The following GPAT4 variants were observed in gnomAD, a reference collection of about 807,000 sequenced individuals.
GPAT4 encodes 1-AGP acyltransferase 6.
In GPAT4, 17 loss-of-function variants were observed where a neutral mutation model predicts 58.0. The observed-to-expected ratio is 0.29, with a 90% confidence interval of 0.20 to 0.44. The LOEUF is 0.44. Ranked by LOEUF, GPAT4 falls within the 20% of genes least tolerant of loss-of-function variation. The pLI is 1.00. For synonymous variants in GPAT4, 204 were observed against 210.1 expected, an observed-to-expected ratio of 0.97 and a Z score of 0.25; for missense variants, 377 against 574.5, an observed-to-expected ratio of 0.66 and a Z score of 3.51.
Position 41,610,748 on chromosome 8 carries a change from T to G in GPAT4, c.549T>G (p.Ala183=), listed in dbSNP as rs1803417776. 6.2e-7 allele frequency: 1 copy of G among 1,611,036 alleles called. No homozygotes were observed. The highest frequency in any genetic ancestry group is 8.5e-7 in the Non-Finnish European group (1 of 1,178,420). ...CFLLPLRIAL[A]FTGISLLVVG... ...CTTCTTCTTACAGGATAGCACTGGC[T>G]TTCACAGGGATTAGCCTTCTGGTGG... is the stretch of plus-strand genomic sequence containing the variant. Residue 183 remains alanine (A), a synonymous_variant, in exon 5 of 13, where the codon GCT becomes GCG. Coordinates refer to ENST00000396987, the MANE Select transcript of GPAT4 (RefSeq NM_178819.4).
intron 5 of GPAT4, 90 bp from the exon 6 acceptor site, chr8:41,611,813 A>T: frequency 8.1e-7 from 1 of 1,231,624 alleles, no homozygotes; most frequent in South Asian, 1.3e-5. Context: ...CTTTGCTGTT[A>T]TAAAGGACTG....
chr8:41,590,756 T>A (rs916971394), intron 1 of GPAT4, among the ~76,000 whole-genome samples: 2 of 152,216 alleles, frequency 1.3e-5, no homozygotes, highest in Non-Finnish European at 2.9e-5. Flanking sequence ...CTGAATAGCA[T>A]GTCCTTGTAG....
At chr8:41,582,670 A>G (rs1035140975) in intron 1 of GPAT4, among the ~76,000 whole-genome samples, 1 of 111,716 alleles carries the variant, frequency 9.0e-6, no homozygotes, top group Admixed American at 9.0e-5. Context: ...AGGGAGAGAG[A>G]GAGAGTGTGT....
At chr8:41,606,126 A>G (rs1358158296) in intron 2 of GPAT4, among the ~76,000 whole-genome samples, 2 of 152,152 alleles carry the variant, frequency 1.3e-5, no homozygotes, top group African/African-American at 4.8e-5. Context: ...TGTTAAGTAA[A>G]CCATTGCCCT....
chr8:41,610,905 A>T, intron 5 of GPAT4, 95 bp downstream of exon 5: 1 of 1,296,080 alleles, frequency 7.7e-7, no homozygotes, highest in Non-Finnish European at 1.1e-6. Context: ...GGACACAACC[A>T]AAGCCATGGA....
intron 10 of GPAT4, among the ~76,000 whole-genome samples, chr8:41,616,010 A>G (rs1563279713): frequency 1.3e-5 from 2 of 152,236 alleles, no homozygotes; most frequent in African/African-American, 4.8e-5. Context: ...TCTGATTGAC[A>G]GGCTAGGACT....
Position 41,609,931 on chromosome 8 carries a change from G to A in GPAT4, c.512G>A (p.Arg171Gln), listed in dbSNP as rs1803392805. 1 of 1,609,908 alleles carries A rather than the reference G, an allele frequency of 6.2e-7. No individual in the cohort carries two copies. Among genetic ancestry groups the A allele is most frequent in the Non-Finnish European group, 8.5e-7 (1 of 1,177,148 alleles). ...CTGTGGGGGTTAGGAGTGCTGATTC[G>A]GTACTGCTTTCTGCTGCCGCTCAGG... ...TVLWGLGVLI[R>Q]YCFLLPLRIA... The change falls in exon 4 of 13, where the codon CGG becomes CAG. Residue 171 changes from arginine (R) to glutamine (Q), a missense_variant. Transcript: ENST00000396987.
Position 41,604,280 on chromosome 8 carries a change from C to CT in GPAT4, c.165+4979dup, listed in dbSNP as rs945608431. On this transcript the variant is annotated intron_variant, in intron 2 of 12. Coordinates refer to ENST00000396987, the MANE Select transcript of GPAT4 (RefSeq NM_178819.4). ...CTAAGCTAGCCCTGGCTTACAGCTCCTTTCCCATGACTAGTTCTCCCTATA... is the reference window on the plus strand; with the variant it reads ...CTAAGCTAGCCCTGGCTTACAGCTCCTTTTCCCATGACTAGTTCTCCCTATA... Among the ~76,000 whole-genome samples, 101 of 152,336 alleles carry CT rather than the reference C, an allele frequency of 6.6e-4. 1 individual carries two copies. Among genetic ancestry groups the CT allele is most frequent in the African/African-American group, 2.3e-3 (94 of 41,582 alleles).
chr8:41,599,335 A>G (rs2150492433), intron 2 of GPAT4, 31 bp downstream of exon 2: 1 of 1,612,196 alleles, frequency 6.2e-7, no homozygotes, highest in Non-Finnish European at 8.5e-7. Context: ...AGGTTGCTTC[A>G]CAGAGGAGGG....
At chr8:41,607,355 A>T (rs747079052) in intron 2 of GPAT4, among the ~76,000 whole-genome samples, 2 of 152,170 alleles carry the variant, frequency 1.3e-5, no homozygotes, top group African/African-American at 4.8e-5. Flanking sequence ...GAACTAGGAG[A>T]TGTAGAATCT....
chr8:41,609,905 C>A lies in GPAT4; in HGVS notation c.486C>A (p.Val162=). The A allele has an allele frequency of 6.2e-7, 1 of 1,614,042 alleles. No individual in the cohort carries two copies. Among genetic ancestry groups the A allele is most frequent in the South Asian group, 1.1e-5 (1 of 91,062 alleles). Reference sequence around the variant, plus strand: ...AGTACATCAGCCTTCGGCTCACGGTCCTGTGGGGGTTAGGAGTGCTGATTC... The same window carrying A: ...AGTACATCAGCCTTCGGCTCACGGTACTGTGGGGGTTAGGAGTGCTGATTC... ...NFQYISLRLT[V]LWGLGVLIRY... is the part of the protein sequence containing the mutation. Residue 162 remains valine (V), a synonymous_variant, in exon 4 of 13, where the codon GTC becomes GTA. Coordinates refer to ENST00000396987, the MANE Select transcript of GPAT4 (RefSeq NM_178819.4).
At chr8:41,610,223 G>A in intron 4 of GPAT4, 2 of 1,326,450 alleles carry the variant, frequency 1.5e-6, no homozygotes, top group Non-Finnish European at 1.9e-6. Context: ...GGAACATTGT[G>A]TGCTTTCTGC....
intron 9 of GPAT4, 87 bp downstream of exon 9, chr8:41,614,528 C>CCCTT (rs1169708414): frequency 3.7e-6 from 5 of 1,348,844 alleles, no homozygotes; most frequent in Non-Finnish European, 5.2e-6. Flanking sequence ...AGGCCCTCAG[C>CCCTT]CCTTGTTGGG....
chr8:41,612,732 G>A (rs1203705286), intron 7 of GPAT4, 113 bp from the exon 8 acceptor site: 2 of 881,754 alleles, frequency 2.3e-6, no homozygotes, highest in African/African-American at 1.7e-5. Context: ...CAGCCGGCAA[G>A]CGTTAGAAGT....
Position 41,610,378 on chromosome 8 carries a change from T to TG in GPAT4, c.537-357dup, listed in dbSNP as rs574871100. 159 of 1,228,732 alleles carry TG rather than the reference T, an allele frequency of 1.3e-4. 1 individual carries two copies. In the Admixed American group the frequency reaches 1.8e-3, roughly 14 times the overall value. 76.1% of individuals were successfully genotyped at this position (1,228,732 alleles called of 1,614,324 possible). ...AATACCTTCAAGCTCCACCTCCTGT[T>TG]GCTTCAGAGGGAAGCTGTGCTTCCA... On this transcript the variant is annotated intron_variant, in intron 4 of 12. Transcript: ENST00000396987.
In GPAT4 at chr8:41,579,210, T is replaced by A. The variant is rs540135590; in HGVS notation, c.-849+932T>A. Among the ~76,000 whole-genome samples the A allele has an allele frequency of 4.6e-5, 7 of 152,356 alleles. No individual in the cohort carries two copies. In the South Asian group the frequency reaches 1.2e-3, roughly 27 times the overall value. On this transcript the variant is annotated intron_variant, in intron 1 of 12. Coordinates refer to ENST00000396987, the MANE Select transcript of GPAT4 (RefSeq NM_178819.4). The stretch of plus-strand genomic sequence containing the variant: ...AGAGATGTGCTTTTCTTTTCTTTTT[T>A]AACTTTGTATTTTGGAGAATTTCAG...
chr8:41,613,340 C>T (rs1432836927), intron 8 of GPAT4, among the ~76,000 whole-genome samples: 1 of 151,848 alleles, frequency 6.6e-6, no homozygotes, highest in Non-Finnish European at 1.5e-5. Context: ...GAGCTGAGAT[C>T]GCGCCATTGC....
intron 10 of GPAT4, chr8:41,618,441 A>G (rs1211032608): frequency 1.8e-6 from 1 of 557,234 alleles, no homozygotes; most frequent in Non-Finnish European, 3.2e-6. Context: ...TGCTTGAGGC[A>G]GGCTGTCAGG....
rs181400738 is a variant in GPAT4 at position 41,618,870 on chromosome 8, G to C, written c.1183-28G>C. 13 of 1,614,246 alleles carry C rather than the reference G, an allele frequency of 8.1e-6. No individual in the cohort carries two copies. The East Asian group carries it at 2.9e-4, about 36-fold the overall frequency. On this transcript the variant is annotated intron_variant, in intron 11 of 12. Transcript: ENST00000396987. ...CTCTGTGTAACGTCAAGCCGGGGCT[G>C]AGTGGTCTCATTTGTTCTTTCTTAC...
Sources: allele counts gnomAD v4.1 joint callset (sites outside exome capture counted in the v4.1 genomes callset), GRCh38; gene constraint gnomAD v4.1.1; transcripts MANE v1.5; gene names NCBI Gene and HGNC (gene_info 2026-07-23, HGNC 2026-07-21).